NRIP2: variants seen among roughly 807,000 people sequenced by gnomAD.
NRIP2 encodes nuclear receptor-interacting protein 2.
NRIP2 carries 27 observed loss-of-function variants against 34.1 expected under a neutral mutation model. The observed-to-expected ratio is 0.79, with a 90% confidence interval of 0.58 to 1.09. The LOEUF (loss-of-function observed/expected upper bound fraction) is 1.09, where lower values mean the gene tolerates loss of function less well. NRIP2 is among the 50% of genes least tolerant of loss of function. NRIP2 has a pLI of 0.00. For missense variants in NRIP2, 385 were observed against 352.6 expected (o/e 1.09, Z -0.74); for synonymous variants, 145 against 146.9 (o/e 0.99, Z 0.09).
chr12:2,833,167 G>A (rs537894489), intron 1 of NRIP2, among the ~76,000 whole-genome samples: 35 of 152,076 alleles, frequency 2.3e-4, no homozygotes, highest in African/African-American at 8.2e-4. Context: ...TGAAAAGCCC[G>A]GGACTTTCTC....
At position 2,835,000 on chromosome 12, in the gene NRIP2, C is replaced by CA; in HGVS notation, c.-18dup. On this transcript the variant is annotated 5_prime_UTR_variant, in exon 1 of 6. Coordinates refer to ENST00000337508, the MANE Select transcript of NRIP2 (RefSeq NM_031474.3). ...AAATAACATGCAGGAGCAGCCGCGTCAGTCTCCAATTTCCCGAGATTGCTG... is the reference window on the plus strand; with the variant it reads ...AAATAACATGCAGGAGCAGCCGCGTCAAGTCTCCAATTTCCCGAGATTGCTG... 1 of 1,540,138 alleles carries CA rather than the reference C, an allele frequency of 6.5e-7. No individual in the cohort carries two copies. Among genetic ancestry groups the CA allele is most frequent in the Non-Finnish European group, 8.7e-7 (1 of 1,145,440 alleles).
intron 1 of NRIP2, 26 bp from the exon 2 acceptor site, chr12:2,830,886 G>A: frequency 1.2e-6 from 2 of 1,606,966 alleles, no homozygotes; most frequent in Non-Finnish European, 1.7e-6. Context: ...AACAATGAAG[G>A]TAGGCAGTTC....
In NRIP2 at chr12:2,828,662, T is replaced by C. The variant is rs1348574585; in HGVS notation, c.496-248A>G. Among the ~76,000 whole-genome samples the C allele has an allele frequency of 3.3e-5, 5 of 151,852 alleles. No individual in the cohort carries two copies. In the East Asian group the frequency reaches 9.7e-4, roughly 30 times the overall value. On this transcript the variant is annotated intron_variant, in intron 2 of 5. Coordinates refer to ENST00000337508, the MANE Select transcript of NRIP2 (RefSeq NM_031474.3). ...CAAGACCAGCCTGACCAGGGTTTAGTAGAAACCCTGTCTCTACTAAAAATA... is the reference window on the plus strand; with the variant it reads ...CAAGACCAGCCTGACCAGGGTTTAGCAGAAACCCTGTCTCTACTAAAAATA...
chr12:2,832,063 T>G (rs1342787756), intron 1 of NRIP2, among the ~76,000 whole-genome samples: 1 of 152,120 alleles, frequency 6.6e-6, no homozygotes, highest in East Asian at 1.9e-4. Context: ...CTCCAAAATG[T>G]GGTCCTCAGA....
intron 3 of NRIP2, 30 bp from the exon 4 acceptor site, chr12:2,828,077 C>T (rs758338411): frequency 6.3e-7 from 1 of 1,584,704 alleles, no homozygotes; most frequent in South Asian, 1.1e-5. Context: ...GTTATGGCTA[C>T]CACAGCCCCT....
At chr12:2,829,024 ACT>A (rs1285761101) in intron 2 of NRIP2, among the ~76,000 whole-genome samples, 1 of 151,640 alleles carries the variant, frequency 6.6e-6, no homozygotes, top group Admixed American at 6.6e-5. Context: ...ACATAGCAAG[ACT>A]CTGTCTCTAC....
chr12:2,828,098 AC>A, intron 3 of NRIP2, 51 bp from the exon 4 acceptor site: 1 of 1,521,088 alleles, frequency 6.6e-7, no homozygotes, highest in Non-Finnish European at 9.0e-7. Flanking sequence ...AGAGGGTTCC[AC>A]CCCATTAATC....
chr12:2,834,497 G>T, intron 1 of NRIP2, 145 bp downstream of exon 1: 2 of 1,176,724 alleles, frequency 1.7e-6, no homozygotes, highest in Non-Finnish European at 2.3e-6. Flanking sequence ...GCCTTGAGTT[G>T]GCAGGATGAC....
Position 2,825,790 on chromosome 12 carries a change from TCTCA to T in NRIP2, c.*1413_*1416del, listed in dbSNP as rs2153925395. ...TTTTTGTTTGTTTTTGGAGACAGGG[TCTCA>T]CTCCTTCACCCAGGCTGGAGTCCGA... On this transcript the variant is annotated 3_prime_UTR_variant, in exon 6 of 6. Transcript: ENST00000337508. 1 of 152,350 alleles carries T rather than the reference TCTCA, an allele frequency of 6.6e-6. No individual in the cohort carries two copies. Among genetic ancestry groups the T allele is most frequent in the Admixed American group, 6.5e-5 (1 of 15,278 alleles). 9.4% of individuals were successfully genotyped at this position (152,350 alleles called of 1,614,324 possible). A position where few individuals can be genotyped will look rare whatever the true frequency, so the allele number is the denominator to read the frequency against.
intron 1 of NRIP2, among the ~76,000 whole-genome samples, chr12:2,834,094 C>A (rs2098016378): frequency 6.6e-6 from 1 of 152,188 alleles, no homozygotes; most frequent in African/African-American, 2.4e-5. Flanking sequence ...CCTGGAAGGT[C>A]CATTCCACTC....
In NRIP2 at chr12:2,826,219, A is replaced by T. The variant is rs915990086; in HGVS notation, c.*988T>A. 136 of 150,588 alleles carry T rather than the reference A, an allele frequency of 9.0e-4. No individual in the cohort carries two copies. Among genetic ancestry groups the T allele is most frequent in the Middle Eastern group, 3.4e-3 (1 of 294 alleles). 9.3% of individuals were successfully genotyped at this position (150,588 alleles called of 1,614,324 possible). On this transcript the variant is annotated 3_prime_UTR_variant, in exon 6 of 6. Coordinates refer to ENST00000337508, the MANE Select transcript of NRIP2 (RefSeq NM_031474.3). ...CCCCAAACTTTAAAAAAAAAAAAAA[A>T]GCCTCTGTCTTTTTGCTTTGGCAAA... is the stretch of plus-strand genomic sequence containing the variant.
intron 1 of NRIP2, among the ~76,000 whole-genome samples, chr12:2,833,166 C>T (rs568971462): frequency 1.4e-4 from 22 of 151,980 alleles, no homozygotes; most frequent in Middle Eastern, 3.4e-3. Flanking sequence ...GTGAAAAGCC[C>T]GGGACTTTCT....
Position 2,830,737 on chromosome 12 carries a change from C to G in NRIP2, c.466G>C (p.Glu156Gln), listed in dbSNP as rs760208803. ...QESRRKTSRT[E>Q]IPALLVNCKC... ...CAGTTGACCAGAAGAGCTGGAATCT[C>G]TGTCCTGCTGGTCTTCCTCCTGCTC... Residue 156 changes from glutamate to glutamine, a missense_variant, in exon 2 of 6, where the codon GAG (glutamate) becomes CAG (glutamine). Physicochemically the swap from Glu to Gln is conservative, Grantham distance 29. Transcript: ENST00000337508. The G allele has an allele frequency of 1.2e-4, 186 of 1,613,372 alleles. No individual in the cohort carries two copies. Among genetic ancestry groups the G allele is most frequent in the Non-Finnish European group, 1.5e-4 (174 of 1,179,740 alleles).
At position 2,827,307 on chromosome 12, in the gene NRIP2, G is replaced by T; in HGVS notation, c.754-8C>A. On this transcript the variant is annotated splice_polypyrimidine_tract_variant and splice_region_variant and intron_variant, in intron 5 of 5. Coordinates refer to ENST00000337508, the MANE Select transcript of NRIP2 (RefSeq NM_031474.3). The surrounding 1 kb of genome is among the most constrained non-coding windows in gnomAD (Gnocchi z 4.0). ...CTCCAGGTCGATGCAGCACTGCGGG[G>T]TGTAGAGCAGTCATGCCAGGTCACC... 6.2e-7 allele frequency: 1 copy of T among 1,611,146 alleles called. No individual in the cohort carries two copies. The highest frequency in any genetic ancestry group is 8.5e-7 in the Non-Finnish European group (1 of 1,179,022).
chr12:2,827,599 G>A lies in NRIP2; in HGVS notation c.753+26C>T. On this transcript the variant is annotated intron_variant, in intron 5 of 5. Transcript: ENST00000337508. The surrounding 1 kb of genome is among the most constrained non-coding windows in gnomAD (Gnocchi z 4.0). ...TCTACTACTTTTTCCCAGTGCTTTG[G>A]GTCAGGCCCTGAGTGGGTGCCTTAC... 1 of 1,614,094 alleles carries A rather than the reference G, an allele frequency of 6.2e-7. No individual in the cohort carries two copies. Among genetic ancestry groups the A allele is most frequent in the Non-Finnish European group, 8.5e-7 (1 of 1,180,018 alleles).
intron 1 of NRIP2, 42 bp from the exon 2 acceptor site, chr12:2,830,902 C>G (rs1386504092): frequency 6.3e-7 from 1 of 1,589,460 alleles, no homozygotes; most frequent in Non-Finnish European, 8.6e-7. Context: ...AGTTCTAAAC[C>G]CAGGCATCCA....
chr12:2,829,122 G>A (rs2097986420), intron 2 of NRIP2, among the ~76,000 whole-genome samples: 1 of 152,182 alleles, frequency 6.6e-6, no homozygotes, highest in Non-Finnish European at 1.5e-5. Context: ...GAGAAACGGT[G>A]ATTTGTTTGT....
intron 2 of NRIP2, 112 bp downstream of exon 2, chr12:2,830,596 G>T: frequency 8.4e-7 from 1 of 1,195,184 alleles, no homozygotes; most frequent in African/African-American, 1.6e-5. Flanking sequence ...AGGGAGAGAG[G>T]TGCCCTTTCT....
At chr12:2,833,988 C>A (rs1269454878) in intron 1 of NRIP2, among the ~76,000 whole-genome samples, 1 of 152,226 alleles carries the variant, frequency 6.6e-6, no homozygotes, top group Non-Finnish European at 1.5e-5. Context: ...CCTGAATCTG[C>A]AGTTTTCCGC....
Sources: gnomAD v4.1 joint callset for allele counts (sites outside exome capture counted in the v4.1 genomes callset) on GRCh38, gnomAD v4.1.1 for gene constraint, Gnocchi (gnomAD v3.1) non-coding constraint, MANE v1.5 for transcripts, NCBI Gene and HGNC (gene_info 2026-07-23, HGNC 2026-07-21) for gene names.